The following PIWIL2 variants were observed in gnomAD, a reference collection of about 807,000 sequenced individuals.
The protein encoded by PIWIL2 is piwi-like protein 2.
Under a neutral mutation model 116.5 loss-of-function variants are expected in PIWIL2, and 81 were observed. That is an observed-to-expected ratio of 0.70 (90% CI 0.58 to 0.84). The LOEUF is 0.84. Among genes scored for constraint, PIWIL2 ranks in the 40% least tolerant of loss-of-function variants. The probability of loss-of-function intolerance (pLI) is 0.00; values close to 1 mark genes in which losing one functional copy is unlikely to be tolerated. For synonymous variants in PIWIL2, 489 were observed against 429.5 expected (o/e 1.14, Z -1.71); for missense variants, 1,272 against 1,212.3 (o/e 1.05, Z -0.73).
At chr8:22,296,360 A>G (rs893807250) in intron 10 of PIWIL2, among the ~76,000 whole-genome samples, 1 of 151,978 alleles carries the variant, frequency 6.6e-6, no homozygotes, top group Non-Finnish European at 1.5e-5. Flanking sequence ...TTCCCTTCTT[A>G]AGGGGAATCT....
chr8:22,283,295 T>C, intron 5 of PIWIL2, 55 bp downstream of exon 5: 1 of 1,386,898 alleles, frequency 7.2e-7, no homozygotes, highest in South Asian at 1.2e-5. Context: ...AACTCTGCAT[T>C]TTGGCTCGTG....
intron 20 of PIWIL2, among the ~76,000 whole-genome samples, chr8:22,321,340 T>C (rs1304236145): frequency 1.3e-5 from 2 of 152,078 alleles, no homozygotes; most frequent in African/African-American, 4.8e-5. Context: ...CTGGAACTCC[T>C]GGGCTCAAGC....
intron 10 of PIWIL2, among the ~76,000 whole-genome samples, chr8:22,295,150 TTTCTTTCCTTCC>T (rs1830867820): frequency 6.6e-6 from 1 of 152,034 alleles, no homozygotes; most frequent in Admixed American, 6.6e-5. Flanking sequence ...AATTCATTCC[TTTCTTTCCTTCC>T]TTCTTTCCTC....
chr8:22,302,860 C>T (rs1016775182), intron 10 of PIWIL2, among the ~76,000 whole-genome samples: 1 of 152,194 alleles, frequency 6.6e-6, no homozygotes, highest in Non-Finnish European at 1.5e-5. Context: ...CCTTCTATGG[C>T]TTTCTGATTA....
At chr8:22,323,590 CAATT>C (rs1192824015) in intron 20 of PIWIL2, among the ~76,000 whole-genome samples, 1 of 152,296 alleles carries the variant, frequency 6.6e-6, no homozygotes, top group East Asian at 1.9e-4. Flanking sequence ...TTTCCCAACA[CAATT>C]GATTATTAAT....
At chr8:22,290,574 C>T (rs1830736162) in intron 10 of PIWIL2, among the ~76,000 whole-genome samples, 2 of 151,462 alleles carry the variant, frequency 1.3e-5, no homozygotes, top group Non-Finnish European at 2.9e-5. Flanking sequence ...TCTGAGTAGC[C>T]AGGACTACGG....
At chr8:22,279,778 G>A (rs1369468029) in intron 2 of PIWIL2, among the ~76,000 whole-genome samples, 194 bp downstream of exon 2, 4 of 152,208 alleles carry the variant, frequency 2.6e-5, no homozygotes, top group Non-Finnish European at 5.9e-5. Context: ...CCAACATGGT[G>A]AAACCCTGTC....
At chr8:22,294,652 AAAAAAAAAAAAAAAAAG>A (rs1830848073) in intron 10 of PIWIL2, among the ~76,000 whole-genome samples, 2 of 149,604 alleles carry the variant, frequency 1.3e-5, no homozygotes, top group Admixed American at 6.7e-5. Flanking sequence ...CTCAAAAAAA[AAAAAAAAAAAAAAAAAG>A]AAAAACATCA....
At chr8:22,326,767 C>T (rs577760915) in intron 20 of PIWIL2, among the ~76,000 whole-genome samples, 8 of 152,272 alleles carry the variant, frequency 5.3e-5, no homozygotes, top group Admixed American at 2.0e-4. Context: ...GCTGTTCTCA[C>T]ATTTTGACTA....
chr8:22,295,374 A>C (rs1830872954), intron 10 of PIWIL2, among the ~76,000 whole-genome samples: 1 of 151,526 alleles, frequency 6.6e-6, no homozygotes, highest in South Asian at 2.1e-4. Flanking sequence ...ATATGTACTT[A>C]CCACTAATTT....
chr8:22,296,897 T>G (rs1303680869), intron 10 of PIWIL2, among the ~76,000 whole-genome samples: 1 of 152,214 alleles, frequency 6.6e-6, no homozygotes, highest in Non-Finnish European at 1.5e-5. Flanking sequence ...TAAAAATGTT[T>G]TCCAACTTGC....
Position 22,279,825 on chromosome 8 carries a change from C to T in PIWIL2, c.198+241C>T, listed in dbSNP as rs528892495. On this transcript the variant is annotated intron_variant, in intron 2 of 22. Transcript: ENST00000356766. ...TACAAAAATTAGCCAGGTGTGGTGG[C>T]GGGTACCTGTAATCCCAGCTACTCA... Among the ~76,000 whole-genome samples, 12 of 152,166 alleles carry T rather than the reference C, an allele frequency of 7.9e-5. No homozygotes were observed. The East Asian group carries it at 1.4e-3, about 17-fold the overall frequency.
chr8:22,347,741 G>T (rs1300280729), intron 20 of PIWIL2, among the ~76,000 whole-genome samples: 1 of 150,572 alleles, frequency 6.6e-6, no homozygotes, highest in Non-Finnish European at 1.5e-5. Context: ...TGGCCAGGCT[G>T]GTCTCAAACT....
intron 20 of PIWIL2, among the ~76,000 whole-genome samples, chr8:22,338,722 A>C (rs1832038142): frequency 7.1e-6 from 1 of 141,170 alleles, no homozygotes; most frequent in Non-Finnish European, 1.6e-5. Context: ...AAATAAATAA[A>C]TAACAACATT....
chr8:22,341,635 A>G (rs1832112585), intron 20 of PIWIL2, among the ~76,000 whole-genome samples: 1 of 151,784 alleles, frequency 6.6e-6, no homozygotes, highest in Non-Finnish European at 1.5e-5. Context: ...CGTTAGGAAT[A>G]GAGGGGAACT....
intron 19 of PIWIL2, 31 bp from the exon 20 acceptor site, chr8:22,318,139 T>C: frequency 7.2e-7 from 1 of 1,382,966 alleles, no homozygotes. Context: ...TCATCTTCCT[T>C]TCTCTGTCTC....
intron 15 of PIWIL2, among the ~76,000 whole-genome samples, chr8:22,310,697 C>A (rs1186193298): frequency 6.6e-6 from 1 of 152,082 alleles, no homozygotes; most frequent in Non-Finnish European, 1.5e-5. Context: ...CCAGAAGCCC[C>A]CTCCATTCTC....
At chr8:22,316,751 G>A (rs1831469461) in intron 19 of PIWIL2, among the ~76,000 whole-genome samples, 1 of 151,982 alleles carries the variant, frequency 6.6e-6, no homozygotes, top group Non-Finnish European at 1.5e-5. Context: ...CACAGTGCTT[G>A]GATTACAGGC....
At chr8:22,340,641 G>A (rs1004540112) in intron 20 of PIWIL2, among the ~76,000 whole-genome samples, 19 of 152,200 alleles carry the variant, frequency 1.2e-4, no homozygotes, top group Non-Finnish European at 2.8e-4. Context: ...TTGGAAGAAT[G>A]TATCTGCAAG....
Sources: allele counts gnomAD v4.1 joint callset (sites outside exome capture counted in the v4.1 genomes callset), GRCh38; gene constraint gnomAD v4.1.1; transcripts MANE v1.5; gene names NCBI Gene and HGNC (gene_info 2026-07-23, HGNC 2026-07-21).